Variants in CHST11 observed in about 807,000 individuals in gnomAD.
CHST11 encodes carbohydrate sulfotransferase 11.
Under a neutral mutation model 30.4 loss-of-function variants are expected in CHST11, and 9 were observed. The ratio of observed to expected loss-of-function variants is 0.30; its 90% CI spans 0.18 to 0.52. CHST11 has a LOEUF of 0.52. Among genes scored for constraint, CHST11 ranks in the 20% least tolerant of loss-of-function variants. The pLI, the probability that CHST11 is intolerant of heterozygous loss-of-function variation, is 0.97. For missense variants in CHST11, 348 were observed against 460.6 expected, an observed-to-expected ratio of 0.76 and a Z score of 2.24; for synonymous variants, 152 against 187.8, an observed-to-expected ratio of 0.81 and a Z score of 1.56.
At chr12:104,480,306 A>G (rs977360820) in intron 1 of CHST11, among the ~76,000 whole-genome samples, 1 of 152,106 alleles carries the variant, frequency 6.6e-6, no homozygotes, top group African/African-American at 2.4e-5. Context: ...AACCAGGTGC[A>G]GTGGCTCCCA....
rs778835060 is a variant in CHST11 at position 104,757,813 on chromosome 12, G to A, written c.*10G>A. The A allele has an allele frequency of 2.5e-6, 4 of 1,599,860 alleles. No individual in the cohort carries two copies. Among genetic ancestry groups the A allele is most frequent in the Admixed American group, 1.7e-5 (1 of 58,674 alleles). On this transcript the variant is annotated 3_prime_UTR_variant, in exon 3 of 3. Coordinates refer to ENST00000303694, the MANE Select transcript of CHST11 (RefSeq NM_018413.6). This position sits in a 1 kb window ranked among gnomAD's most constrained non-coding sequence, Gnocchi z 6.5. Reference sequence around the variant, plus strand: ...CCTGAAATTGGAATAAAGGGGGTGGGGAGAGGGAGAGAATCATGCTTTTTA... The same window carrying A: ...CCTGAAATTGGAATAAAGGGGGTGGAGAGAGGGAGAGAATCATGCTTTTTA...
intron 1 of CHST11, among the ~76,000 whole-genome samples, chr12:104,542,257 A>G (rs1268530782): frequency 2.6e-5 from 4 of 152,254 alleles, no homozygotes; most frequent in Admixed American, 6.5e-5. Flanking sequence ...TCTTGGATAT[A>G]TACCCAAAAG....
intron 1 of CHST11, among the ~76,000 whole-genome samples, chr12:104,518,387 C>G (rs1160051461): frequency 6.6e-6 from 1 of 152,158 alleles, no homozygotes. Context: ...CACATGTTAT[C>G]ATGCTGTATT....
chr12:104,472,972 A>G (rs1161374725), intron 1 of CHST11, among the ~76,000 whole-genome samples: 2 of 152,088 alleles, frequency 1.3e-5, no homozygotes, highest in African/African-American at 4.8e-5. Flanking sequence ...ATGTCTGGGA[A>G]TACGGGAGCC....
intron 2 of CHST11, among the ~76,000 whole-genome samples, chr12:104,708,118 C>T (rs1452234857): frequency 6.6e-6 from 1 of 152,220 alleles, no homozygotes; most frequent in Non-Finnish European, 1.5e-5. Context: ...CAGATGTGCA[C>T]CCTGGCAAGG....
chr12:104,647,835 A>G (rs2039449764), intron 2 of CHST11, among the ~76,000 whole-genome samples: 1 of 152,176 alleles, frequency 6.6e-6, no homozygotes, highest in Non-Finnish European at 1.5e-5. Context: ...CCATCATCTG[A>G]AGACTGGATT....
intron 2 of CHST11, among the ~76,000 whole-genome samples, chr12:104,612,080 C>T (rs939677487): frequency 2.0e-5 from 3 of 152,222 alleles, no homozygotes; most frequent in Non-Finnish European, 4.4e-5. Context: ...GTGTGCGGCA[C>T]GCAGCAAATA....
At chr12:104,678,563 C>T (rs906368323) in intron 2 of CHST11, among the ~76,000 whole-genome samples, 8 of 152,196 alleles carry the variant, frequency 5.3e-5, no homozygotes, top group Non-Finnish European at 1.2e-4. Context: ...AAATGAAAAA[C>T]ATCAAATGAA....
intron 1 of CHST11, among the ~76,000 whole-genome samples, chr12:104,462,167 C>CAAA (rs796356338): frequency 0.048 from 3,124 of 65,400 alleles, 171 homozygotes; most frequent in African/African-American, 0.15. Flanking sequence ...AACACCATCT[C>CAAA]AAAAAAAAAA....
At chr12:104,543,704 C>T (rs181033166) in intron 1 of CHST11, among the ~76,000 whole-genome samples, 1 of 152,294 alleles carries the variant, frequency 6.6e-6, no homozygotes, top group African/African-American at 2.4e-5. Context: ...ACTGAAGTCA[C>T]TGTATACTTT....
chr12:104,592,510 C>A (rs2038869751), intron 1 of CHST11, among the ~76,000 whole-genome samples: 1 of 152,060 alleles, frequency 6.6e-6, no homozygotes, highest in African/African-American at 2.4e-5. Context: ...AGGGCTCTAC[C>A]CCCATGACCA....
intron 1 of CHST11, among the ~76,000 whole-genome samples, chr12:104,556,788 C>T (rs976624989): frequency 6.6e-6 from 1 of 152,138 alleles, no homozygotes. Flanking sequence ...CGAGACCAGC[C>T]TGGCCAACAT....
At chr12:104,503,748 A>G (rs1305465626) in intron 1 of CHST11, among the ~76,000 whole-genome samples, 3 of 152,120 alleles carry the variant, frequency 2.0e-5, no homozygotes, top group Non-Finnish European at 2.9e-5. Flanking sequence ...GGCCACCACC[A>G]GTGGGACATC....
Position 104,457,394 on chromosome 12 carries a change from C to T in CHST11, c.-18C>T. 6.3e-7 allele frequency: 1 copy of T among 1,597,198 alleles called. No individual in the cohort carries two copies. The highest frequency in any genetic ancestry group is 8.6e-7 in the Non-Finnish European group (1 of 1,165,628). ...CGCGCTTCCCGGACACCCCGGTCCC[C>T]GCAGCCAGGACAAAGCCATGAAGCC... On this transcript the variant is annotated 5_prime_UTR_variant, in exon 1 of 3. Coordinates refer to ENST00000303694, the MANE Select transcript of CHST11 (RefSeq NM_018413.6).
At chr12:104,702,220 G>A (rs1021137077) in intron 2 of CHST11, among the ~76,000 whole-genome samples, 1 of 152,228 alleles carries the variant, frequency 6.6e-6, no homozygotes, top group African/African-American at 2.4e-5. Context: ...CCCTATACCA[G>A]CACATGCTGG....
intron 1 of CHST11, among the ~76,000 whole-genome samples, chr12:104,575,283 G>C (rs1669190981): frequency 6.6e-6 from 1 of 152,128 alleles, no homozygotes; most frequent in African/African-American, 2.4e-5. Flanking sequence ...CCCTAAACAG[G>C]ATACACAATC....
chr12:104,629,414 A>G (rs2039250712), intron 2 of CHST11, among the ~76,000 whole-genome samples: 1 of 152,244 alleles, frequency 6.6e-6, no homozygotes, highest in Non-Finnish European at 1.5e-5. Context: ...TTCAAGGCCA[A>G]GAGGACAGTC....
In CHST11 at chr12:104,729,759, G is replaced by T. The variant is rs928206214; in HGVS notation, c.205-27190G>T. Among the ~76,000 whole-genome samples the T allele has an allele frequency of 6.6e-6, 1 of 152,154 alleles. No individual in the cohort carries two copies. Among genetic ancestry groups the T allele is most frequent in the South Asian group, 2.1e-4 (1 of 4,826 alleles). On this transcript the variant is annotated intron_variant, in intron 2 of 2. Transcript: ENST00000303694. The surrounding 1 kb of genome is among the most constrained non-coding windows in gnomAD (Gnocchi z 4.0). ...GTACCTAGGAGTTGAGGGGGAGCTCGATGGCGCTGGGGCAGAGGTCTGCGG... is the reference window on the plus strand; with the variant it reads ...GTACCTAGGAGTTGAGGGGGAGCTCTATGGCGCTGGGGCAGAGGTCTGCGG...
At position 104,759,230 on chromosome 12, in the gene CHST11, T is replaced by C. The variant is rs2040505021; in HGVS notation, c.*1427T>C. Reference sequence around the variant, plus strand: ...AGAGGCTGAAAGACTATCAGCATCTTGGTAACTGCCATGCATGAGCAGCAA... The same window carrying C: ...AGAGGCTGAAAGACTATCAGCATCTCGGTAACTGCCATGCATGAGCAGCAA... On this transcript the variant is annotated 3_prime_UTR_variant, in exon 3 of 3. Transcript: ENST00000303694. 1 of 152,214 alleles carries C rather than the reference T, an allele frequency of 6.6e-6. No individual in the cohort carries two copies. The highest frequency in any genetic ancestry group is 2.4e-5 in the African/African-American group (1 of 41,464). 9.4% of individuals were successfully genotyped at this position (152,214 alleles called of 1,614,324 possible).
Sources: allele counts gnomAD v4.1 joint callset (sites outside exome capture counted in the v4.1 genomes callset), GRCh38; gene constraint gnomAD v4.1.1; non-coding constraint Gnocchi (gnomAD v3.1); transcripts MANE v1.5; gene names NCBI Gene and HGNC (gene_info 2026-07-23, HGNC 2026-07-21).